The following UGT1A9 variants were observed in gnomAD, a reference collection of about 807,000 sequenced individuals.
UGT1A9 encodes the protein UDP glucuronosyltransferase family 1 member A9.
Under a neutral mutation model 45.0 loss-of-function variants are expected in UGT1A9, and 35 were observed. The ratio of observed to expected loss-of-function variants is 0.78; its 90% CI spans 0.59 to 1.03. The LOEUF is 1.03. Among genes scored for constraint, UGT1A9 ranks in the 50% least tolerant of loss-of-function variants. UGT1A9 has a pLI of 0.00. For missense variants in UGT1A9, 687 were observed against 666.6 expected, an observed-to-expected ratio of 1.03 and a Z score of -0.34; for synonymous variants, 278 against 250.6, an observed-to-expected ratio of 1.11 and a Z score of -1.03.
chr2:233,748,016 G>A (rs1039251990), intron 1 of UGT1A9: 59 of 1,613,480 alleles, frequency 3.7e-5, no homozygotes, highest in Middle Eastern at 1.7e-4. Flanking sequence ...ACCCCAGGCC[G>A]ATCATGCCCA....
rs539293656 is a variant in UGT1A9, at chr2:233,691,687, C to A, written c.855+18898C>A. 62 of 954,204 alleles carry A rather than the reference C, an allele frequency of 6.5e-5. No homozygotes were observed. In the East Asian group the frequency reaches 2.0e-3, roughly 31 times the overall value. The allele number at this position is 954,204 out of a possible 1,614,324, so 59.1% of individuals were successfully genotyped here. A position where few individuals can be genotyped will look rare whatever the true frequency, so the allele number is the denominator to read the frequency against. On this transcript the variant is annotated intron_variant, in intron 1 of 4. Coordinates refer to ENST00000354728, the MANE Select transcript of UGT1A9 (RefSeq NM_021027.3). ...TGGGCCTCAGTTGAGAAACCTGAAG[C>A]TCAGGAGAGGAGTCACTCCCCTGGC... is the stretch of plus-strand genomic sequence containing the variant.
intron 1 of UGT1A9, among the ~76,000 whole-genome samples, chr2:233,710,877 A>T (rs1019417253): frequency 6.6e-6 from 1 of 152,230 alleles, no homozygotes; most frequent in East Asian, 1.9e-4. Context: ...AAAGTTAAAC[A>T]GTTTAAGTTT....
At chr2:233,714,075 C>G (rs575529005) in intron 1 of UGT1A9, among the ~76,000 whole-genome samples, 1 of 152,080 alleles carries the variant, frequency 6.6e-6, no homozygotes, top group African/African-American at 2.4e-5. Context: ...GAGGCAGGGA[C>G]GAGGATCTGT....
intron 1 of UGT1A9, among the ~76,000 whole-genome samples, chr2:233,764,057 C>T (rs1242895801): frequency 1.3e-5 from 2 of 152,096 alleles, no homozygotes; most frequent in African/African-American, 4.8e-5. Context: ...AAATGAAATG[C>T]ATTTGGGAAG....
chr2:233,747,316 C>T lies in UGT1A9; in HGVS notation c.856-19718C>T, dbSNP rs1693620953. The T allele has an allele frequency of 6.9e-6, 11 of 1,603,150 alleles. No homozygotes were observed. In the South Asian group the frequency reaches 1.2e-4, roughly 18 times the overall value. On this transcript the variant is annotated intron_variant, in intron 1 of 4. Coordinates refer to ENST00000354728, the MANE Select transcript of UGT1A9 (RefSeq NM_021027.3). ...TGAGAGTGGGAAGGTGCTGGTGGTA[C>T]CCATTGATGGCAGCCACTGGCTCGC... is the stretch of plus-strand genomic sequence containing the variant.
At chr2:233,720,833 G>A in intron 1 of UGT1A9, among the ~76,000 whole-genome samples, 1 of 150,462 alleles carries the variant, frequency 6.6e-6, no homozygotes, top group East Asian at 2.0e-4. Context: ...AGTCTCCTGA[G>A]TAACTGGGAC....
chr2:233,757,535 A>AATATATATACATATACATAT (rs376887521), intron 1 of UGT1A9, among the ~76,000 whole-genome samples: 89 of 88,230 alleles, frequency 1.0e-3, no homozygotes, highest in African/African-American at 2.6e-3. Context: ...GCCTGTAAGG[A>AATATATATACATATACATAT]ATATATATAT....
chr2:233,769,089 A>G lies in UGT1A9; in HGVS notation c.1295+650A>G, dbSNP rs1396019687. Among the ~76,000 whole-genome samples the G allele has an allele frequency of 1.3e-5, 2 of 152,242 alleles. No individual in the cohort carries two copies. The highest frequency in any genetic ancestry group is 4.8e-5 in the African/African-American group (2 of 41,460). ...AGAAATACTCCATTATAAGAAGCAT[A>G]GTATCTTTAAGAGAAAAACAACTCA... On this transcript the variant is annotated intron_variant, in intron 4 of 4. Transcript: ENST00000354728. The surrounding 1 kb of genome is among the most constrained non-coding windows in gnomAD (Gnocchi z 4.4).
At chr2:233,729,011 T>C (rs1409694285) in intron 1 of UGT1A9, 2 of 1,584,574 alleles carry the variant, frequency 1.3e-6, no homozygotes, top group African/African-American at 1.3e-5. Context: ...CACTCTGTCT[T>C]CCAATTACAC....
intron 1 of UGT1A9, among the ~76,000 whole-genome samples, chr2:233,724,194 C>T (rs1375067088): frequency 3.2e-5 from 4 of 125,876 alleles, no homozygotes; most frequent in Non-Finnish European, 4.9e-5. Context: ...GACGGGGTGG[C>T]TGGCCGGGCT....
chr2:233,760,187 A>G, intron 1 of UGT1A9: 1 of 1,561,346 alleles, frequency 6.4e-7, no homozygotes, highest in East Asian at 2.3e-5. Flanking sequence ...TTTTATAGTC[A>G]CGTGACACAG....
rs767800703 is a variant in UGT1A9 at position 233,760,482 on chromosome 2, G to A, written c.856-6552G>A. 9.3e-6 allele frequency: 15 copies of A among 1,614,120 alleles called. No homozygotes were observed. The highest frequency in any genetic ancestry group is 4.0e-5 in the African/African-American group (3 of 74,938). ...TAGTTGTCCTAGCACCTGACGCCTC[G>A]TTGTACATCAGAGACGGAGCATTTT... is the stretch of plus-strand genomic sequence containing the variant. On this transcript the variant is annotated intron_variant, in intron 1 of 4. Transcript: ENST00000354728.
Position 233,719,292 on chromosome 2 carries a change from G to A in UGT1A9, c.855+46503G>A, listed in dbSNP as rs146073833. 838 of 1,613,610 alleles carry A rather than the reference G, an allele frequency of 5.2e-4. 5 individuals are homozygous for A. The African/African-American group carries it at 8.5e-3, about 16-fold the overall frequency. On this transcript the variant is annotated intron_variant, in intron 1 of 4. Transcript: ENST00000354728. ...TTTAACAGACCCCGTTAACCTCTGTGGGGCGGTGCTGGCTAAGTACCTGTC... is the reference window on the plus strand; with the variant it reads ...TTTAACAGACCCCGTTAACCTCTGTAGGGCGGTGCTGGCTAAGTACCTGTC...
At chr2:233,731,882 C>A (rs2078215677) in intron 1 of UGT1A9, among the ~76,000 whole-genome samples, 2 of 152,208 alleles carry the variant, frequency 1.3e-5, no homozygotes, top group Admixed American at 6.5e-5. Context: ...AATGGTTGAA[C>A]TAATTTACAC....
intron 1 of UGT1A9, chr2:233,742,923 T>C (rs1692137211): frequency 5.3e-6 from 1 of 189,486 alleles, no homozygotes; most frequent in Admixed American, 5.4e-5. Context: ...AGTGCTGAAC[T>C]GAACATTCTG....
chr2:233,695,283 T>G (rs546580338), intron 1 of UGT1A9, among the ~76,000 whole-genome samples: 155 of 152,002 alleles, frequency 1.0e-3, no homozygotes, highest in African/African-American at 3.5e-3. Context: ...GTGCCACCAT[T>G]CCCAGCTAAT....
intron 1 of UGT1A9, among the ~76,000 whole-genome samples, chr2:233,679,214 T>G (rs573307529): frequency 1.3e-5 from 2 of 152,224 alleles, no homozygotes; most frequent in East Asian, 3.8e-4. Flanking sequence ...GGGTTCTGGG[T>G]GGCTAGGGAA....
chr2:233,743,232 T>C, intron 1 of UGT1A9: 1 of 418,014 alleles, frequency 2.4e-6, no homozygotes, highest in Non-Finnish European at 4.7e-6. Context: ...CTATTTATTA[T>C]GAAGGACTTT....
rs376158939 is a variant in UGT1A9, at chr2:233,709,141, G to A, written c.855+36352G>A. ...ATCATGGTGGCCAAGGGGATGAGAC[G>A]TGCTGATTGGTTGAGGCCTAGGTCA... On this transcript the variant is annotated intron_variant, in intron 1 of 4. Coordinates refer to ENST00000354728, the MANE Select transcript of UGT1A9 (RefSeq NM_021027.3). Among the ~76,000 whole-genome samples, 18 of 152,236 alleles carry A rather than the reference G, an allele frequency of 1.2e-4. No homozygotes were observed. The East Asian group carries it at 2.1e-3, about 18-fold the overall frequency.
Sources: gnomAD v4.1 joint callset for allele counts (sites outside exome capture counted in the v4.1 genomes callset) on GRCh38, gnomAD v4.1.1 for gene constraint, Gnocchi (gnomAD v3.1) non-coding constraint, MANE v1.5 for transcripts, NCBI Gene and HGNC (gene_info 2026-07-23, HGNC 2026-07-21) for gene names.